The following SPATA16 variants were observed in gnomAD, a reference collection of about 807,000 sequenced individuals.
SPATA16 encodes the protein spermatogenesis-associated protein 16.
Under a neutral mutation model 63.3 loss-of-function variants are expected in SPATA16, and 36 were observed. That is an observed-to-expected ratio of 0.57 (90% CI 0.44 to 0.75). SPATA16 has a LOEUF of 0.75. Ranked by LOEUF, SPATA16 falls within the 30% of genes least tolerant of loss-of-function variation. The pLI, the probability that SPATA16 is intolerant of heterozygous loss-of-function variation, is 0.00. For synonymous variants in SPATA16, 203 were observed against 216.7 expected (o/e 0.94, Z 0.56); for missense variants, 646 against 679.3 (o/e 0.95, Z 0.54).
intron 3 of SPATA16, among the ~76,000 whole-genome samples, chr3:173,028,023 TTTCCTTCC>T (rs1224712418): frequency 0.035 from 1,269 of 36,578 alleles, 47 homozygotes; most frequent in Middle Eastern, 0.071. Context: ...CCCTTCCTTC[TTTCCTTCC>T]TTCCTTCCTT....
intron 2 of SPATA16, among the ~76,000 whole-genome samples, chr3:173,110,321 T>C (rs1737718249): frequency 6.6e-6 from 1 of 152,184 alleles, no homozygotes; most frequent in South Asian, 2.1e-4. Context: ...TTCAAAATAG[T>C]GTTTGGTTTA....
intron 4 of SPATA16, among the ~76,000 whole-genome samples, chr3:173,011,046 A>G (rs1403246082): frequency 1.6e-5 from 2 of 121,708 alleles, no homozygotes; most frequent in African/African-American, 2.6e-5. Context: ...AACTATTCCA[A>G]AAAAAATCAA....
At chr3:172,982,515 GT>G (rs1393106302) in intron 4 of SPATA16, among the ~76,000 whole-genome samples, 1 of 152,136 alleles carries the variant, frequency 6.6e-6, no homozygotes, top group African/African-American at 2.4e-5. Context: ...TTCACATTTT[GT>G]TTACTTAATA....
At chr3:172,963,984 A>G (rs1288935143) in intron 5 of SPATA16, among the ~76,000 whole-genome samples, 2 of 152,126 alleles carry the variant, frequency 1.3e-5, no homozygotes, top group Non-Finnish European at 2.9e-5. Flanking sequence ...TTTCATCACT[A>G]TCTACTTCTG....
chr3:172,904,968 C>T (rs558674803), intron 10 of SPATA16, among the ~76,000 whole-genome samples: 1 of 152,104 alleles, frequency 6.6e-6, no homozygotes, highest in Non-Finnish European at 1.5e-5. Context: ...AACACAGATC[C>T]ATTAGTCCCA....
At chr3:172,980,357 C>T (rs532221075) in intron 4 of SPATA16, among the ~76,000 whole-genome samples, 7 of 152,122 alleles carry the variant, frequency 4.6e-5, no homozygotes, top group Non-Finnish European at 8.8e-5. Context: ...TATCTCTCTA[C>T]CATTAGAACA....
intron 2 of SPATA16, among the ~76,000 whole-genome samples, chr3:173,078,990 T>TG (rs1299518883): frequency 6.6e-6 from 1 of 152,208 alleles, no homozygotes; most frequent in Non-Finnish European, 1.5e-5. Flanking sequence ...TAAAAGGACT[T>TG]GAAAAAGTTT....
intron 4 of SPATA16, among the ~76,000 whole-genome samples, chr3:173,017,225 A>T (rs996410167): frequency 1.2e-4 from 19 of 152,210 alleles, no homozygotes; most frequent in Admixed American, 9.2e-4. Context: ...TTGCATCTCT[A>T]TAGAAACTGC....
At chr3:172,961,248 T>A (rs1733778902) in intron 5 of SPATA16, among the ~76,000 whole-genome samples, 4 of 152,068 alleles carry the variant, frequency 2.6e-5, no homozygotes, top group African/African-American at 9.7e-5. Context: ...TATTATAGAT[T>A]ATCATCAAAT....
intron 2 of SPATA16, among the ~76,000 whole-genome samples, chr3:173,094,414 T>C (rs1737299673): frequency 6.6e-6 from 1 of 152,126 alleles, no homozygotes; most frequent in Non-Finnish European, 1.5e-5. Context: ...TTCAAGCATA[T>C]AGTTGTGAAG....
chr3:172,991,375 G>C (rs538140114), intron 4 of SPATA16, among the ~76,000 whole-genome samples: 1 of 152,182 alleles, frequency 6.6e-6, no homozygotes, highest in Admixed American at 6.5e-5. Context: ...CTTCTTCCTA[G>C]CAAGAGCTGA....
At chr3:173,074,691 A>G (rs1160256926) in intron 2 of SPATA16, among the ~76,000 whole-genome samples, 1 of 152,056 alleles carries the variant, frequency 6.6e-6, no homozygotes, top group South Asian at 2.1e-4. Context: ...ACAGATGGCA[A>G]CCATAGACAC....
At chr3:173,124,991 C>T (rs978062104) in intron 1 of SPATA16, among the ~76,000 whole-genome samples, 2 of 152,178 alleles carry the variant, frequency 1.3e-5, no homozygotes, top group Non-Finnish European at 2.9e-5. Flanking sequence ...AAATTGTATA[C>T]TCCTCTGTCC....
At position 172,982,382 on chromosome 3, in the gene SPATA16, G is replaced by C. The variant is rs77393613; in HGVS notation, c.849-5330C>G. On this transcript the variant is annotated intron_variant, in intron 4 of 10. Coordinates refer to ENST00000351008, the MANE Select transcript of SPATA16 (RefSeq NM_031955.6). ...TGCTAATGGATGCTGATGTATTTAT[G>C]GCATAAATTGAAGAGGAAAGGTATT... Among the ~76,000 whole-genome samples the C allele has an allele frequency of 2.1e-3, 313 of 152,196 alleles. 3 individuals carry two copies. Among genetic ancestry groups the C allele is most frequent in the African/African-American group, 6.8e-3 (283 of 41,518 alleles).
intron 4 of SPATA16, among the ~76,000 whole-genome samples, chr3:172,988,726 T>TC (rs535017285): frequency 9.2e-5 from 14 of 152,210 alleles, no homozygotes; most frequent in Non-Finnish European, 1.6e-4. Flanking sequence ...AACCTCCGCC[T>TC]CCCTGGTTCA....
chr3:172,947,016 G>T (rs1733306592), intron 6 of SPATA16, among the ~76,000 whole-genome samples: 1 of 152,112 alleles, frequency 6.6e-6, no homozygotes, highest in Admixed American at 6.6e-5. Context: ...CCACTTGTTA[G>T]GGGAAAGGAA....
intron 2 of SPATA16, among the ~76,000 whole-genome samples, chr3:173,066,708 A>C (rs1736528964): frequency 6.6e-6 from 1 of 152,176 alleles, no homozygotes; most frequent in East Asian, 1.9e-4. Flanking sequence ...GACACAAACA[A>C]GCCCATACTA....
At chr3:172,925,743 C>G (rs574549513) in intron 6 of SPATA16, among the ~76,000 whole-genome samples, 1 of 152,196 alleles carries the variant, frequency 6.6e-6, no homozygotes, top group Non-Finnish European at 1.5e-5. Context: ...ACATGGTCAT[C>G]TTTCCTCGTC....
intron 1 of SPATA16, among the ~76,000 whole-genome samples, chr3:173,131,123 A>C (rs1454250296): frequency 6.6e-6 from 1 of 152,230 alleles, no homozygotes; most frequent in East Asian, 1.9e-4. Flanking sequence ...GATCTCAGCC[A>C]AAGAAAACCA....
Sources: gnomAD v4.1 joint callset for allele counts (sites outside exome capture counted in the v4.1 genomes callset) on GRCh38, gnomAD v4.1.1 for gene constraint, MANE v1.5 for transcripts, NCBI Gene and HGNC (gene_info 2026-07-23, HGNC 2026-07-21) for gene names.